ABCC9: variants seen among roughly 807,000 people sequenced by gnomAD.
ABCC9 encodes the protein ATP binding cassette subfamily C member 9.
A neutral mutation model predicts 188.3 loss-of-function variants in ABCC9; 95 were observed. That is an observed-to-expected ratio of 0.50 (90% CI 0.43 to 0.60). ABCC9 has a LOEUF of 0.60. ABCC9 is among the 20% of genes least tolerant of loss of function. ABCC9 has a pLI of 0.00. For missense variants in ABCC9, 1,102 were observed against 1,876.3 expected (o/e 0.59, Z 7.62); for synonymous variants, 659 against 652.7 (o/e 1.01, Z -0.15).
intron 16 of ABCC9, among the ~76,000 whole-genome samples, chr12:21,879,622 G>T (rs1367738412): frequency 6.6e-6 from 1 of 151,680 alleles, no homozygotes; most frequent in Non-Finnish European, 1.5e-5. Flanking sequence ...TCAATGAAAA[G>T]AATTTTTTTT....
At chr12:21,931,328 T>C (rs1234862965) in intron 4 of ABCC9, among the ~76,000 whole-genome samples, 1 of 151,986 alleles carries the variant, frequency 6.6e-6, no homozygotes, top group Non-Finnish European at 1.5e-5. Context: ...CTTTCTGCCA[T>C]GATTGTAAGT....
chr12:21,884,194 C>T (rs1292073897), intron 15 of ABCC9, among the ~76,000 whole-genome samples: 2 of 151,908 alleles, frequency 1.3e-5, no homozygotes, highest in African/African-American at 4.8e-5. Context: ...ACCTCAGCCT[C>T]CTGAGAAGCT....
chr12:21,934,727 C>G (rs1949419535), intron 3 of ABCC9, among the ~76,000 whole-genome samples: 1 of 151,884 alleles, frequency 6.6e-6, no homozygotes. Context: ...TCTTTTTTCT[C>G]ATTTTTTGAC....
At chr12:21,801,242 G>A (rs1591914142) in intron 39 of ABCC9, 61 bp from the exon 40 acceptor site, 5 of 1,589,696 alleles carry the variant, frequency 3.1e-6, no homozygotes, top group Non-Finnish European at 4.3e-6. Context: ...CAAAACAATG[G>A]AATATGTATA....
rs1338313063 is a variant in ABCC9, at chr12:21,799,456, A to G, written c.*1588T>C. ...AATGAGTACCAATCCTATTCTGTTT[A>G]GCTTTAAGAAAACAATAAGGTTATT... On this transcript the variant is annotated 3_prime_UTR_variant, in exon 40 of 40. Coordinates refer to ENST00000261200, the MANE Select transcript of ABCC9 (RefSeq NM_020297.4). 6.6e-6 allele frequency: 1 copy of G among 152,176 alleles called. No individual in the cohort carries two copies. The highest frequency in any genetic ancestry group is 6.6e-5 in the Admixed American group (1 of 15,264). The allele number at this position is 152,176 out of a possible 1,614,324, so 9.4% of individuals were successfully genotyped here.
intron 6 of ABCC9, 45 bp downstream of exon 6, chr12:21,916,892 G>A (rs759806649): frequency 2.0e-6 from 3 of 1,535,650 alleles, no homozygotes; most frequent in South Asian, 2.5e-5. Flanking sequence ...TTTCATATTG[G>A]GGTCTTGAAT....
chr12:21,865,206 T>A (rs1450297513), intron 18 of ABCC9, among the ~76,000 whole-genome samples: 1 of 152,156 alleles, frequency 6.6e-6, no homozygotes, highest in Admixed American at 6.6e-5. Flanking sequence ...AATTAAAGCC[T>A]ACAGAAACTC....
At chr12:21,881,317 GTAAAT>G (rs1565441753) in intron 16 of ABCC9, among the ~76,000 whole-genome samples, 1 of 152,036 alleles carries the variant, frequency 6.6e-6, no homozygotes, top group Non-Finnish European at 1.5e-5. Context: ...AGCTTTCACC[GTAAAT>G]AAAAAATTAA....
At chr12:21,892,967 G>A (rs545397323) in intron 14 of ABCC9, among the ~76,000 whole-genome samples, 2 of 152,090 alleles carry the variant, frequency 1.3e-5, no homozygotes, top group Admixed American at 6.5e-5. Flanking sequence ...TCAATATTGC[G>A]ACATCTTGGC....
chr12:21,928,432 AAAG>A (rs1446280332), intron 4 of ABCC9, among the ~76,000 whole-genome samples: 3 of 138,634 alleles, frequency 2.2e-5, no homozygotes, highest in African/African-American at 3.1e-5. Context: ...AGAAAGAAAA[AAAG>A]AAAAGAAAAG....
At chr12:21,915,514 A>ATATATATATATATATTTTTT in intron 7 of ABCC9, among the ~76,000 whole-genome samples, 154 bp downstream of exon 7, 3 of 3,522 alleles carry the variant, frequency 8.5e-4, no homozygotes, top group African/African-American at 3.2e-3. Flanking sequence ...ATATATATAT[A>ATATATATATATATATTTTTT]TTTTTTTTTT....
At chr12:21,897,864 A>AT (rs1385425546) in intron 12 of ABCC9, among the ~76,000 whole-genome samples, 1 of 358 alleles carries the variant, frequency 2.8e-3, no homozygotes, top group South Asian at 0.12. Context: ...TATTTGACTC[A>AT]ATACCAACAC....
chr12:21,896,372 A>C (rs958253741), intron 12 of ABCC9, among the ~76,000 whole-genome samples: 1 of 152,160 alleles, frequency 6.6e-6, no homozygotes, highest in African/African-American at 2.4e-5. Context: ...CACTGATCTG[A>C]GTTTTGTAAT....
intron 14 of ABCC9, among the ~76,000 whole-genome samples, chr12:21,892,022 A>T (rs144222053): frequency 1.5e-3 from 222 of 152,248 alleles, no homozygotes; most frequent in African/African-American, 5.1e-3. Context: ...AACCACTGAA[A>T]CTCATTTGAG....
intron 5 of ABCC9, chr12:21,924,629 T>A (rs1340351030): frequency 6.6e-6 from 1 of 152,096 alleles, no homozygotes; most frequent in Non-Finnish European, 1.5e-5. Flanking sequence ...TCTGATTGCA[T>A]TTCCATCAAA....
intron 24 of ABCC9, among the ~76,000 whole-genome samples, chr12:21,849,558 C>T (rs967718745): frequency 6.6e-6 from 1 of 151,802 alleles, no homozygotes; most frequent in Non-Finnish European, 1.5e-5. Flanking sequence ...AGTTCGATTC[C>T]CCATGCTGTG....
chr12:21,900,496 A>G, intron 12 of ABCC9, among the ~76,000 whole-genome samples: 1 of 152,244 alleles, frequency 6.6e-6, no homozygotes, highest in East Asian at 1.9e-4. Context: ...AAGGCTTCAG[A>G]CGATCAAACT....
chr12:21,823,778 A>G (rs1943190470), intron 31 of ABCC9, among the ~76,000 whole-genome samples: 1 of 152,250 alleles, frequency 6.6e-6, no homozygotes, highest in African/African-American at 2.4e-5. Flanking sequence ...GCAAGCAGCA[A>G]TCAGAGGTTA....
chr12:21,882,893 G>A lies in ABCC9; in HGVS notation c.1912-20C>T. The A allele has an allele frequency of 6.3e-7, 1 of 1,578,044 alleles. No individual in the cohort carries two copies. The highest frequency in any genetic ancestry group is 1.1e-5 in the South Asian group (1 of 90,318). ...TGGCTGCTGCATTCCAAATGGAAAA[G>A]AACACAAGTTGAGGCTTTATTAAAA... On this transcript the variant is annotated intron_variant, in intron 15 of 39. Coordinates refer to ENST00000261200, the MANE Select transcript of ABCC9 (RefSeq NM_020297.4).
Sources: allele counts gnomAD v4.1 joint callset (sites outside exome capture counted in the v4.1 genomes callset), GRCh38; gene constraint gnomAD v4.1.1; transcripts MANE v1.5; gene names NCBI Gene and HGNC (gene_info 2026-07-23, HGNC 2026-07-21).